Variants in ZNF443 observed in about 807,000 individuals in gnomAD.
The protein encoded by ZNF443 is Kruppel-type zinc finger (C2H2).
A neutral mutation model predicts 12.0 loss-of-function variants in ZNF443; 3 were observed. The ratio of observed to expected loss-of-function variants is 0.25; its 90% CI spans 0.11 to 0.64. ZNF443 has a LOEUF of 0.64. Among genes scored for constraint, ZNF443 ranks in the 30% least tolerant of loss-of-function variants. The pLI is 0.84. For synonymous variants in ZNF443, 225 were observed against 265.9 expected, an observed-to-expected ratio of 0.85 and a Z score of 1.50; for missense variants, 770 against 808.8, an observed-to-expected ratio of 0.95 and a Z score of 0.58.
At chr19:12,436,959 T>C (rs1288077220) in intron 1 of ZNF443, among the ~76,000 whole-genome samples, 1 of 151,430 alleles carries the variant, frequency 6.6e-6, no homozygotes, top group Non-Finnish European at 1.5e-5. Flanking sequence ...TGATGTTAAA[T>C]TGGGCAGGAG....
intron 1 of ZNF443, among the ~76,000 whole-genome samples, chr19:12,437,345 T>C (rs1970322570): frequency 6.7e-6 from 1 of 150,328 alleles, no homozygotes; most frequent in South Asian, 2.1e-4. Flanking sequence ...GAGTTGGAGG[T>C]TATAGTTAAC....
intron 1 of ZNF443, among the ~76,000 whole-genome samples, chr19:12,435,776 A>C (rs1970302351): frequency 6.6e-6 from 1 of 151,592 alleles, no homozygotes; most frequent in South Asian, 2.1e-4. Context: ...ATGAACACAC[A>C]CTAAAGAACA....
In ZNF443 at chr19:12,430,337, C is replaced by G. The variant is rs376683157; in HGVS notation, c.1835G>C (p.Gly612Ala). 86 of 1,613,588 alleles carry G rather than the reference C, an allele frequency of 5.3e-5. No individual in the cohort carries two copies. The highest frequency in any genetic ancestry group is 6.7e-5 in the Non-Finnish European group (79 of 1,179,844). ...FLQGHEKTHTGENPYECKECG... is the reference protein window; with the variant it reads ...FLQGHEKTHTAENPYECKECG... ...TTCCTTACATTCATACGGGTTCTCT[C>G]CAGTATGAGTTTTTTCATGTCCTTG... is the stretch of plus-strand genomic sequence containing the variant. Residue 612 changes from glycine to alanine, a missense_variant, in exon 4 of 4, where the codon GGA becomes GCA. Physicochemically the swap from Gly to Ala is moderately conservative, Grantham distance 60. This residue lies in a region of ZNF443 where 736 missense variants were observed against 689.4 expected (regional missense o/e 1.07). Coordinates refer to ENST00000301547, the MANE Select transcript of ZNF443 (RefSeq NM_005815.5).
In ZNF443 at chr19:12,430,738, T is replaced by G. The variant is rs1316407335; in HGVS notation, c.1434A>C (p.Lys478Asn). The G allele has an allele frequency of 6.2e-7, 1 of 1,612,940 alleles. No individual in the cohort carries two copies. Among genetic ancestry groups the G allele is most frequent in the East Asian group, 2.2e-5 (1 of 44,814 alleles). The change falls in exon 4 of 4, where the codon AAA becomes AAC. Residue 478 changes from lysine to asparagine, a missense_variant. This residue lies in a region of ZNF443 where 736 missense variants were observed against 689.4 expected (regional missense o/e 1.07). Coordinates refer to ENST00000301547, the MANE Select transcript of ZNF443 (RefSeq NM_005815.5). ...ETTHTGEKPY[K>N]CKLGKACIDF... is the part of the protein sequence containing the mutation. ...CAATACAGGCTTTCCCAAGTTTGCATTTATAGGGTTTCTCTCCAGTATGAG... is the reference window on the plus strand; with the variant it reads ...CAATACAGGCTTTCCCAAGTTTGCAGTTATAGGGTTTCTCTCCAGTATGAG...
At chr19:12,440,833 C>T in intron 1 of ZNF443, 79 bp downstream of exon 1, 1 of 1,611,688 alleles carries the variant, frequency 6.2e-7, no homozygotes, top group Non-Finnish European at 8.5e-7. Context: ...TTGGGGAGGC[C>T]CGGGTCCAGC....
At position 12,431,904 on chromosome 19, in the gene ZNF443, T is replaced by C. The variant is rs1235740845; in HGVS notation, c.268A>G (p.Ser90Gly). ...GGAAGAGTGTTCTTGGTCACAATAC[T>C]ATCTTGAATCTGGCTAGATGTTTCT... ...CGETSSQIQD[S>G]IVTKNTLPGV... Residue 90 changes from serine to glycine, a missense_variant, in exon 4 of 4, where the codon AGT (serine) becomes GGT (glycine). Physicochemically the swap from Ser to Gly is moderately conservative, Grantham distance 56. This residue lies in a region of ZNF443 where 736 missense variants were observed against 689.4 expected (regional missense o/e 1.07). Transcript: ENST00000301547. The C allele has an allele frequency of 6.2e-7, 1 of 1,613,744 alleles. No individual in the cohort carries two copies. Among genetic ancestry groups the C allele is most frequent in the African/African-American group, 1.3e-5 (1 of 75,010 alleles).
At position 12,441,009 on chromosome 19, in the gene ZNF443, G is replaced by A. The variant is rs950208735; in HGVS notation, c.-95C>T. 43 of 1,606,770 alleles carry A rather than the reference G, an allele frequency of 2.7e-5. No individual in the cohort carries two copies. Among genetic ancestry groups the A allele is most frequent in the Middle Eastern group, 1.7e-4 (1 of 6,016 alleles). Reference sequence around the variant, plus strand: ...AAGGCTGCCTCAGAACTTCCAGGTCGTCTCTCAGCTACAGAACCCAGAGCC... The same window carrying A: ...AAGGCTGCCTCAGAACTTCCAGGTCATCTCTCAGCTACAGAACCCAGAGCC... On this transcript the variant is annotated 5_prime_UTR_variant, in exon 1 of 4. In the 5' UTR this introduces an upstream ATG that the reference lacks. Transcript: ENST00000301547.
At chr19:12,432,685 A>G (rs1337609747) in intron 2 of ZNF443, among the ~76,000 whole-genome samples, 2 of 139,630 alleles carry the variant, frequency 1.4e-5, no homozygotes, top group African/African-American at 5.6e-5. Flanking sequence ...TGTGAAGACA[A>G]TGAGGATGAA....
At chr19:12,439,681 C>T (rs1475130857) in intron 1 of ZNF443, among the ~76,000 whole-genome samples, 1 of 152,146 alleles carries the variant, frequency 6.6e-6, no homozygotes, top group African/African-American at 2.4e-5. Flanking sequence ...ACACTAGAGA[C>T]AAAGTCTTGC....
chr19:12,440,778 G>A (rs1355848046), intron 1 of ZNF443, 134 bp downstream of exon 1: 1 of 1,484,122 alleles, frequency 6.7e-7, no homozygotes, highest in African/African-American at 1.4e-5. Context: ...GCCGAGGGCC[G>A]ACCTACGCCA....
Position 12,430,523 on chromosome 19 carries a change from T to C in ZNF443, c.1649A>G (p.His550Arg), listed in dbSNP as rs1378346203. The change falls in exon 4 of 4, where the codon CAT becomes CGT. Residue 550 changes from histidine to arginine, a missense_variant. By Grantham distance (29) the His-to-Arg change is conservative (BLOSUM62 0). Around this residue, in one of 3 missense-constraint regions of ZNF443, gnomAD observed 736 missense variants for 689.4 expected, o/e 1.07. Transcript: ENST00000301547. ...CTTCTCTCCAGAGTGAATTCTTTCA[T>C]GTACCTTTAAGTTATCATAATGACC... ...AFGHYDNLKV[H>R]ERIHSGEKPY... 2 of 1,614,158 alleles carry C rather than the reference T, an allele frequency of 1.2e-6. No homozygotes were observed. The highest frequency in any genetic ancestry group is 2.2e-5 in the East Asian group (1 of 44,874).
chr19:12,431,192 T>C lies in ZNF443; in HGVS notation c.980A>G (p.His327Arg), dbSNP rs951380989. 10 of 1,614,130 alleles carry C rather than the reference T, an allele frequency of 6.2e-6. No individual in the cohort carries two copies. The highest frequency in any genetic ancestry group is 6.8e-6 in the Non-Finnish European group (8 of 1,179,948). ...TTTCTCTGCACTGTGAGTGGTTTCA[T>C]GTCTTTGAAGGGAACCGGAAACACT... Reference protein sequence around the residue: ...AFSVSGSLQRHETTHSAEKPY... With the variant: ...AFSVSGSLQRRETTHSAEKPY... The change falls in exon 4 of 4, where the codon CAT (histidine) becomes CGT (arginine). Residue 327 changes from histidine to arginine, a missense_variant. His to Arg is a conservative substitution (Grantham distance 29). Around this residue, in one of 3 missense-constraint regions of ZNF443, gnomAD observed 736 missense variants for 689.4 expected, o/e 1.07. Transcript: ENST00000301547.
At position 12,431,171 on chromosome 19, in the gene ZNF443, T is replaced by C; in HGVS notation, c.1001A>G (p.Glu334Gly). 1.2e-6 allele frequency: 2 copies of C among 1,614,112 alleles called. No homozygotes were observed. Among genetic ancestry groups the C allele is most frequent in the Non-Finnish European group, 1.7e-6 (2 of 1,179,962 alleles). ...LQRHETTHSA[E>G]KPYACQQCGK... ...ACATTGCTGACATGCATAGGGTTTC[T>C]CTGCACTGTGAGTGGTTTCATGTCT... Residue 334 changes from glutamate to glycine, a missense_variant, in exon 4 of 4, where the codon GAG becomes GGG. Transcript: ENST00000301547.
At position 12,430,192 on chromosome 19, in the gene ZNF443, A is replaced by C; in HGVS notation, c.1980T>G (p.Ser660=). The C allele has an allele frequency of 1.2e-6, 2 of 1,613,774 alleles. No homozygotes were observed. The highest frequency in any genetic ancestry group is 1.7e-6 in the Non-Finnish European group (2 of 1,179,778). The change falls in exon 4 of 4, where the codon TCT becomes TCG. Residue 660 remains serine (S), a synonymous_variant. Coordinates refer to ENST00000301547, the MANE Select transcript of ZNF443 (RefSeq NM_005815.5). ...ECKECGKAFA[S]LSSLHRHKKT... ...TTTTATGTCTATGCAAGGAACTGAGAGAAGCAAATGCTTTCCCACATTCCT... is the reference window on the plus strand; with the variant it reads ...TTTTATGTCTATGCAAGGAACTGAGCGAAGCAAATGCTTTCCCACATTCCT...
chr19:12,439,812 A>G (rs1970346661), intron 1 of ZNF443, among the ~76,000 whole-genome samples: 1 of 152,106 alleles, frequency 6.6e-6, no homozygotes. Context: ...AATTCTTTCA[A>G]GAAAAAGCCA....
Position 12,430,638 on chromosome 19 carries a change from C to A in ZNF443, c.1534G>T (p.Ala512Ser). The A allele has an allele frequency of 6.2e-7, 1 of 1,614,084 alleles. No homozygotes were observed. Among genetic ancestry groups the A allele is most frequent in the Non-Finnish European group, 8.5e-7 (1 of 1,179,974 alleles). Residue 512 changes from alanine (A) to serine (S), a missense_variant, in exon 4 of 4, where the codon GCA (alanine) becomes TCA (serine). By Grantham distance (99) the Ala-to-Ser change is moderately conservative. Transcript: ENST00000301547. ...KPYECKECGK[A>S]FSRFRYLSRH... ...GAAAGGTATCTGAAACGACTGAATG[C>A]TTTCCCACATTCCTTACACTCATAT...
chr19:12,431,870 C>T lies in ZNF443; in HGVS notation c.302G>A (p.Gly101Asp). 2 of 1,614,114 alleles carry T rather than the reference C, an allele frequency of 1.2e-6. No homozygotes were observed. Among genetic ancestry groups the T allele is most frequent in the Non-Finnish European group, 1.7e-6 (2 of 1,180,014 alleles). ...TCCTCTCATACTGCTTTCACAAGGA[C>T]CTACTCCAGGAAGAGTGTTCTTGGT... Reference protein sequence around the residue: ...IVTKNTLPGVGPCESSMRGEK... With the variant: ...IVTKNTLPGVDPCESSMRGEK... The change falls in exon 4 of 4, where the codon GGT becomes GAT. Residue 101 changes from glycine (G) to aspartate (D), a missense_variant. This residue lies in a region of ZNF443 where 736 missense variants were observed against 689.4 expected (regional missense o/e 1.07). Coordinates refer to ENST00000301547, the MANE Select transcript of ZNF443 (RefSeq NM_005815.5).
At chr19:12,434,034 ACT>A in intron 1 of ZNF443, among the ~76,000 whole-genome samples, 1 of 151,966 alleles carries the variant, frequency 6.6e-6, no homozygotes, top group East Asian at 1.9e-4. Context: ...CCACCTAGAG[ACT>A]CTGCAGAGTC....
At chr19:12,435,983 T>C (rs1181511184) in intron 1 of ZNF443, among the ~76,000 whole-genome samples, 3 of 151,842 alleles carry the variant, frequency 2.0e-5, no homozygotes, top group Non-Finnish European at 4.4e-5. Context: ...TTATGAAGAA[T>C]ACAGAAAAAC....
Sources: gnomAD v4.1 joint callset for allele counts (sites outside exome capture counted in the v4.1 genomes callset) on GRCh38, gnomAD v4.1.1 for gene constraint, gnomAD v4.1.1 regional missense constraint, MANE v1.5 for transcripts, NCBI Gene and HGNC (gene_info 2026-07-23, HGNC 2026-07-21) for gene names.